The following STK10 variants were observed in gnomAD, a reference collection of about 807,000 sequenced individuals.
STK10 encodes serine/threonine kinase 10, also known as serine/threonine-protein kinase 10.
STK10 carries 78 observed loss-of-function variants against 113.8 expected under a neutral mutation model. The observed-to-expected ratio is 0.69, with a 90% CI of 0.57 to 0.83. The LOEUF (loss-of-function observed/expected upper bound fraction) is 0.83, where lower values mean the gene tolerates loss of function less well. Ranked by LOEUF, STK10 falls within the 40% of genes least tolerant of loss-of-function variation. STK10 has a pLI of 0.00. For synonymous variants in STK10, 465 were observed against 494.7 expected, an observed-to-expected ratio of 0.94 and a Z score of 0.80; for missense variants, 1,109 against 1,280.1, an observed-to-expected ratio of 0.87 and a Z score of 2.04.
intron 3 of STK10, among the ~76,000 whole-genome samples, chr5:172,125,017 T>C (rs2113785702): frequency 6.6e-6 from 1 of 152,352 alleles, no homozygotes; most frequent in South Asian, 2.1e-4. Context: ...ATTCCTTTTA[T>C]GCGTTTGTTG....
chr5:172,095,135 G>A (rs891907605), intron 8 of STK10, among the ~76,000 whole-genome samples: 2 of 152,178 alleles, frequency 1.3e-5, no homozygotes, highest in Admixed American at 6.5e-5. Flanking sequence ...GCTTATAAAC[G>A]TGGTATGAAT....
At chr5:172,121,888 T>C (rs1429927196) in intron 3 of STK10, among the ~76,000 whole-genome samples, 2 of 128,470 alleles carry the variant, frequency 1.6e-5, no homozygotes, top group East Asian at 2.4e-4. Context: ...TTTTTTTTTT[T>C]AGACGACGTC....
intron 3 of STK10, among the ~76,000 whole-genome samples, chr5:172,121,071 C>T (rs1176532868): frequency 2.6e-5 from 4 of 151,016 alleles, no homozygotes; most frequent in Non-Finnish European, 4.4e-5. Context: ...CTCTCTTGCC[C>T]AGGCTGGAGT....
rs752113256 is a variant in STK10 at position 172,117,554 on chromosome 5, G to A, written c.447C>T (p.His149=). The change falls in exon 4 of 19, where the codon CAC becomes CAT. Residue 149 remains histidine, a synonymous_variant. Coordinates refer to ENST00000176763, the MANE Select transcript of STK10 (RefSeq NM_005990.4). ...RQMLEALNFL[H]SKRIIHRDLK... ...GATCTCGGTGGATGATCCTCTTGCT[G>A]TGCAGGAAGTTGAGGGCTTCTAGCA... The A allele has an allele frequency of 1.9e-6, 3 of 1,613,076 alleles. No homozygotes were observed. Among genetic ancestry groups the A allele is most frequent in the Non-Finnish European group, 2.5e-6 (3 of 1,179,826 alleles).
At chr5:172,174,235 A>G (rs1419717169) in intron 1 of STK10, among the ~76,000 whole-genome samples, 4 of 152,062 alleles carry the variant, frequency 2.6e-5, no homozygotes, top group Non-Finnish European at 4.4e-5. Context: ...GCAGTGGCGC[A>G]ATCTCAGCTC....
chr5:172,118,010 C>CAAAAA (rs57672334), intron 3 of STK10, among the ~76,000 whole-genome samples: 14 of 69,826 alleles, frequency 2.0e-4, no homozygotes, highest in African/African-American at 5.2e-4. Flanking sequence ...TACTCCATCT[C>CAAAAA]AAAAAAAAAA....
chr5:172,054,620 C>T lies in STK10; in HGVS notation c.2601G>A (p.Arg867=), dbSNP rs1421311127. 1 of 1,610,724 alleles carries T rather than the reference C, an allele frequency of 6.2e-7. No individual in the cohort carries two copies. Among genetic ancestry groups the T allele is most frequent in the South Asian group, 1.1e-5 (1 of 91,084 alleles). Residue 867 remains arginine, a synonymous_variant, in exon 17 of 19, where the codon CGG becomes CGA. Coordinates refer to ENST00000176763, the MANE Select transcript of STK10 (RefSeq NM_005990.4). Reference sequence around the variant, plus strand: ...TGCTCTCACACTGCGCCAGCATGTCCCGCATCTGGTTCTCGTGTTTCTGCT... The same window carrying T: ...TGCTCTCACACTGCGCCAGCATGTCTCGCATCTGGTTCTCGTGTTTCTGCT... ...QQQQKHENQM[R]DMLAQCESNM...
chr5:172,091,778 C>T (rs1768713059), intron 9 of STK10, among the ~76,000 whole-genome samples: 3 of 152,170 alleles, frequency 2.0e-5, no homozygotes, highest in Admixed American at 6.5e-5. Flanking sequence ...GTGATCCACC[C>T]GCCTTGGCCT....
intron 2 of STK10, among the ~76,000 whole-genome samples, chr5:172,146,604 G>A (rs1226648931): frequency 1.3e-5 from 2 of 152,190 alleles, no homozygotes; most frequent in Non-Finnish European, 2.9e-5. Flanking sequence ...CAGGGAGCAT[G>A]TACCTATGTA....
At chr5:172,142,182 T>C (rs1023992158) in intron 2 of STK10, among the ~76,000 whole-genome samples, 1 of 152,158 alleles carries the variant, frequency 6.6e-6, no homozygotes, top group Non-Finnish European at 1.5e-5. Flanking sequence ...AAGTAATTAT[T>C]TGCCTTTTTG....
chr5:172,107,272 T>C lies in STK10; in HGVS notation c.594-458A>G, dbSNP rs74525219. Among the ~76,000 whole-genome samples, 87 of 152,122 alleles carry C rather than the reference T, an allele frequency of 5.7e-4. 1 individual carries two copies. The East Asian group carries it at 0.013, about 23-fold the overall frequency. On this transcript the variant is annotated intron_variant, in intron 5 of 18. Coordinates refer to ENST00000176763, the MANE Select transcript of STK10 (RefSeq NM_005990.4). ...TGGCAAGTAATGCACATGAAAAAAT[T>C]GGAAACACGGCAAACAGAGAGTAGT...
At chr5:172,173,381 C>T (rs536444776) in intron 1 of STK10, among the ~76,000 whole-genome samples, 1 of 152,312 alleles carries the variant, frequency 6.6e-6, no homozygotes, top group East Asian at 1.9e-4. Flanking sequence ...CTGACAGTGG[C>T]AACTGCCTCA....
chr5:172,071,332 G>A (rs1411155581), intron 12 of STK10, among the ~76,000 whole-genome samples: 5 of 83,602 alleles, frequency 6.0e-5, no homozygotes, highest in Admixed American at 1.5e-4. Context: ...ACTGAGGCAG[G>A]ATAGGTAGCA....
intron 10 of STK10, among the ~76,000 whole-genome samples, chr5:172,085,120 G>C (rs1355267817): frequency 2.0e-5 from 3 of 151,676 alleles, no homozygotes. Flanking sequence ...TGGTGCATGT[G>C]TGTGGTCCCA....
chr5:172,096,860 C>T (rs114122148), intron 7 of STK10, among the ~76,000 whole-genome samples: 3,637 of 152,242 alleles, frequency 0.024, 149 homozygotes, highest in African/African-American at 0.083. Context: ...GGAGGTCATG[C>T]GGATTAAATG....
In STK10 at chr5:172,187,818, C is replaced by G; in HGVS notation, c.156+69G>C. On this transcript the variant is annotated intron_variant, in intron 1 of 18. Transcript: ENST00000176763. This position sits in a 1 kb window ranked among gnomAD's most constrained non-coding sequence, Gnocchi z 4.6. Reference sequence around the variant, plus strand: ...GGAGCCGGAGCCAGGCTGGCCGGGTCCGGCTCAGGCATCCCTTCCTTCCGG... The same window carrying G: ...GGAGCCGGAGCCAGGCTGGCCGGGTGCGGCTCAGGCATCCCTTCCTTCCGG... The G allele has an allele frequency of 4.5e-6, 7 of 1,571,782 alleles. No individual in the cohort carries two copies. The highest frequency in any genetic ancestry group is 6.0e-6 in the Non-Finnish European group (7 of 1,159,396).
intron 1 of STK10, among the ~76,000 whole-genome samples, chr5:172,185,607 T>G (rs1770942257): frequency 6.6e-6 from 1 of 152,214 alleles, no homozygotes; most frequent in Non-Finnish European, 1.5e-5. Flanking sequence ...AAACACCAAC[T>G]GAACCTTCTG....
At chr5:172,119,496 A>G (rs917333215) in intron 3 of STK10, among the ~76,000 whole-genome samples, 1 of 152,064 alleles carries the variant, frequency 6.6e-6, no homozygotes, top group African/African-American at 2.4e-5. Flanking sequence ...TTGGAGAATC[A>G]CTTGAGGCCA....
At chr5:172,173,441 T>C (rs576216618) in intron 1 of STK10, among the ~76,000 whole-genome samples, 1 of 152,296 alleles carries the variant, frequency 6.6e-6, no homozygotes, top group African/African-American at 2.4e-5. Flanking sequence ...TGTGGAGCTT[T>C]CCAGGAAGGA....
Sources: gnomAD v4.1 joint callset for allele counts (sites outside exome capture counted in the v4.1 genomes callset) on GRCh38, gnomAD v4.1.1 for gene constraint, Gnocchi (gnomAD v3.1) non-coding constraint, MANE v1.5 for transcripts, NCBI Gene and HGNC (gene_info 2026-07-23, HGNC 2026-07-21) for gene names.